The following PIEZO2 variants were observed in gnomAD, a reference collection of about 807,000 sequenced individuals.
PIEZO2 encodes piezo-type mechanosensitive ion channel component 2.
A neutral mutation model predicts 337.3 loss-of-function variants in PIEZO2; 172 were observed. The observed-to-expected ratio is 0.51, with a 90% CI of 0.45 to 0.58. The LOEUF (loss-of-function observed/expected upper bound fraction) is 0.58, where lower values mean the gene tolerates loss of function less well. PIEZO2 is among the 20% of genes least tolerant of loss of function. The pLI, the probability that PIEZO2 is intolerant of heterozygous loss-of-function variation, is 0.00. For missense variants in PIEZO2, 3,028 were observed against 3,391.3 expected (o/e 0.89, Z 2.66); for synonymous variants, 1,251 against 1,228.5 (o/e 1.02, Z -0.38).
At chr18:10,812,763 T>C (rs893948311) in intron 7 of PIEZO2, among the ~76,000 whole-genome samples, 8 of 152,000 alleles carry the variant, frequency 5.3e-5, no homozygotes, top group African/African-American at 1.2e-4. Flanking sequence ...CAACATGCGG[T>C]GGTTATGAAT....
chr18:11,103,827 G>A (rs1046514364), intron 1 of PIEZO2, among the ~76,000 whole-genome samples: 48 of 151,190 alleles, frequency 3.2e-4, no homozygotes, highest in Admixed American at 5.9e-4. Context: ...GCGTGTGTGC[G>A]TGTGTGTGTG....
At chr18:10,818,640 T>C (rs1462778074) in intron 7 of PIEZO2, among the ~76,000 whole-genome samples, 1 of 152,226 alleles carries the variant, frequency 6.6e-6, no homozygotes, top group Non-Finnish European at 1.5e-5. Flanking sequence ...TTCTATCTCA[T>C]CTGTACTTCT....
chr18:10,752,490 A>G (rs1381977278), intron 28 of PIEZO2, 146 bp downstream of exon 28: 2 of 1,039,908 alleles, frequency 1.9e-6, no homozygotes, highest in Non-Finnish European at 2.7e-6. Flanking sequence ...AGAGAAATAA[A>G]TGGTTTTTGA....
At chr18:11,064,828 A>T (rs571750901) in intron 2 of PIEZO2, among the ~76,000 whole-genome samples, 1 of 152,274 alleles carries the variant, frequency 6.6e-6, no homozygotes, top group South Asian at 2.1e-4. Context: ...ATGCACGCAC[A>T]ACCTTCTTTC....
intron 1 of PIEZO2, among the ~76,000 whole-genome samples, chr18:11,134,482 C>T (rs1213489868): frequency 6.6e-6 from 1 of 152,162 alleles, no homozygotes. Context: ...CATGCTCACA[C>T]CTGAAAAGTG....
At chr18:10,685,209 G>C (rs1280373767) in intron 49 of PIEZO2, among the ~76,000 whole-genome samples, 1 of 152,200 alleles carries the variant, frequency 6.6e-6, no homozygotes, top group Non-Finnish European at 1.5e-5. Flanking sequence ...AAGAGTTACT[G>C]TTAAGAGCAG....
At chr18:10,893,085 C>T (rs146439154) in intron 4 of PIEZO2, among the ~76,000 whole-genome samples, 1 of 152,190 alleles carries the variant, frequency 6.6e-6, no homozygotes, top group African/African-American at 2.4e-5. Context: ...ACTGTTTCTA[C>T]TGCGAATCCC....
intron 3 of PIEZO2, among the ~76,000 whole-genome samples, chr18:10,937,692 C>A (rs566601425): frequency 1.3e-5 from 2 of 152,246 alleles, no homozygotes; most frequent in Admixed American, 1.3e-4. Flanking sequence ...CTTTGTCTCC[C>A]AAATTTTGGG....
rs1286686518 is a variant in PIEZO2 at position 10,781,755 on chromosome 18, A to C, written c.2493-1389T>G. 6.6e-6 allele frequency among the ~76,000 whole-genome samples: 1 copy of C among 152,130 alleles called. No individual in the cohort carries two copies. The highest frequency in any genetic ancestry group is 2.4e-5 in the African/African-American group (1 of 41,412). On this transcript the variant is annotated intron_variant, in intron 17 of 55. Coordinates refer to ENST00000674853, the MANE Select transcript of PIEZO2 (RefSeq NM_001378183.1). This position sits in a 1 kb window ranked among gnomAD's most constrained non-coding sequence, Gnocchi z 4.1. ...GTGCCTACATTACATCTGTGTGCAT[A>C]AGCACATATACACCAACAAGTGACA... is the stretch of plus-strand genomic sequence containing the variant.
intron 2 of PIEZO2, among the ~76,000 whole-genome samples, chr18:11,060,972 A>G (rs894963243): frequency 7.2e-5 from 11 of 152,250 alleles, no homozygotes; most frequent in Non-Finnish European, 1.5e-4. Flanking sequence ...ATTTTAGACC[A>G]ATATCCCTGA....
At chr18:10,805,827 G>C (rs924759121) in intron 8 of PIEZO2, among the ~76,000 whole-genome samples, 5 of 152,338 alleles carry the variant, frequency 3.3e-5, no homozygotes, top group South Asian at 4.1e-4. Flanking sequence ...ACTGAGATGG[G>C]GGGGAGGTAG....
chr18:10,794,960 G>A lies in PIEZO2; in HGVS notation c.1570C>T (p.Leu524=). Residue 524 remains leucine, a synonymous_variant, in exon 13 of 56, where the codon CTG becomes TTG. Transcript: ENST00000674853. The surrounding 1 kb of genome is among the most constrained non-coding windows in gnomAD (Gnocchi z 6.6). ...ATCCAAAGAGTGCACGACCAGATCA[G>A]CAGCACGAAGGTCAGCCAGCTGTGA... The part of the protein sequence containing the change: ...TYHSWLTFVL[L]IWSCTLWMIR... 6.5e-7 allele frequency: 1 copy of A among 1,547,774 alleles called. No homozygotes were observed. Among genetic ancestry groups the A allele is most frequent in the African/African-American group, 1.4e-5 (1 of 73,182 alleles).
chr18:10,845,872 T>G (rs922185165), intron 7 of PIEZO2, among the ~76,000 whole-genome samples: 1 of 152,208 alleles, frequency 6.6e-6, no homozygotes, highest in Non-Finnish European at 1.5e-5. Context: ...GCCCATCATT[T>G]TTCTAAAGCA....
rs2042836052 is a variant in PIEZO2 at position 10,894,311 on chromosome 18, A to T, written c.329+16875T>A. 6.6e-6 allele frequency among the ~76,000 whole-genome samples: 1 copy of T among 152,058 alleles called. No individual in the cohort carries two copies. The highest frequency in any genetic ancestry group is 1.5e-5 in the Non-Finnish European group (1 of 68,000). Reference sequence around the variant, plus strand: ...TACTAAAAATACAAAAAAAACAGCCAGGCGTGGTGGTGGACGCCTGTAATC... The same window carrying T: ...TACTAAAAATACAAAAAAAACAGCCTGGCGTGGTGGTGGACGCCTGTAATC... On this transcript the variant is annotated intron_variant, in intron 4 of 55. Coordinates refer to ENST00000674853, the MANE Select transcript of PIEZO2 (RefSeq NM_001378183.1). This position sits in a 1 kb window ranked among gnomAD's most constrained non-coding sequence, Gnocchi z 4.1.
At position 10,773,396 on chromosome 18, in the gene PIEZO2, G is replaced by C. The variant is rs1341829021; in HGVS notation, c.2785+16C>G. ...GCCAGCGTTCTCTGACCAGCTGCTGGTAGTGGGCTGATTACCTGATGTTTC... is the reference window on the plus strand; with the variant it reads ...GCCAGCGTTCTCTGACCAGCTGCTGCTAGTGGGCTGATTACCTGATGTTTC... On this transcript the variant is annotated intron_variant, in intron 20 of 55. Transcript: ENST00000674853. This position sits in a 1 kb window ranked among gnomAD's most constrained non-coding sequence, Gnocchi z 5.3. 1.3e-6 allele frequency: 2 copies of C among 1,536,442 alleles called. No individual in the cohort carries two copies. Among genetic ancestry groups the C allele is most frequent in the Non-Finnish European group, 1.7e-6 (2 of 1,146,216 alleles).
chr18:11,072,123 A>C (rs751906008), intron 1 of PIEZO2, among the ~76,000 whole-genome samples: 1 of 152,154 alleles, frequency 6.6e-6, no homozygotes, highest in Non-Finnish European at 1.5e-5. Context: ...TGTCTCATCC[A>C]GCACCCCTTG....
chr18:10,799,148 T>C (rs1413471210), intron 11 of PIEZO2, among the ~76,000 whole-genome samples: 1 of 152,228 alleles, frequency 6.6e-6, no homozygotes. Context: ...TAAAGAGTTA[T>C]GCGAAAAGGC....
intron 3 of PIEZO2, among the ~76,000 whole-genome samples, chr18:10,916,308 G>A (rs1020658459): frequency 3.3e-5 from 5 of 152,160 alleles, no homozygotes; most frequent in African/African-American, 1.2e-4. Flanking sequence ...CCCTTGGGTG[G>A]CCGATGGGAC....
At chr18:10,818,056 G>C (rs984680992) in intron 7 of PIEZO2, among the ~76,000 whole-genome samples, 7 of 151,248 alleles carry the variant, frequency 4.6e-5, no homozygotes, top group African/African-American at 1.5e-4. Flanking sequence ...TATTTTTTGA[G>C]TTGTTTCTCT....
Sources: allele counts gnomAD v4.1 joint callset (sites outside exome capture counted in the v4.1 genomes callset), GRCh38; gene constraint gnomAD v4.1.1; non-coding constraint Gnocchi (gnomAD v3.1); transcripts MANE v1.5; gene names NCBI Gene and HGNC (gene_info 2026-07-23, HGNC 2026-07-21).